The following MAD1L1 variants were observed in gnomAD, a reference collection of about 807,000 sequenced individuals.
The protein encoded by MAD1L1 is mitotic spindle assembly checkpoint protein MAD1.
A neutral mutation model predicts 96.9 loss-of-function variants in MAD1L1; 95 were observed. That is an observed-to-expected ratio of 0.98 (90% CI 0.83 to 1.16). The LOEUF (loss-of-function observed/expected upper bound fraction) is 1.16, where lower values mean the gene tolerates loss of function less well. MAD1L1 is among the 50% of genes most tolerant of loss of function. The pLI, the probability that MAD1L1 is intolerant of heterozygous loss-of-function variation, is 0.00. For synonymous variants in MAD1L1, 473 were observed against 396.6 expected (o/e 1.19, Z -2.29); for missense variants, 1,007 against 954.4 (o/e 1.06, Z -0.73).
At chr7:1,975,127 G>C (rs1780576152) in intron 15 of MAD1L1, among the ~76,000 whole-genome samples, 1 of 152,244 alleles carries the variant, frequency 6.6e-6, no homozygotes, top group Admixed American at 6.5e-5. Context: ...CAGCTCACCA[G>C]CCTTCACCCT....
chr7:2,001,216 C>T (rs915137197), intron 14 of MAD1L1, among the ~76,000 whole-genome samples: 1 of 152,248 alleles, frequency 6.6e-6, no homozygotes, highest in Non-Finnish European at 1.5e-5. Flanking sequence ...GTCCGTACAA[C>T]GCCGACAGCA....
chr7:2,047,380 G>C (rs1348578226), intron 12 of MAD1L1, among the ~76,000 whole-genome samples: 1 of 152,122 alleles, frequency 6.6e-6, no homozygotes, highest in Non-Finnish European at 1.5e-5. Flanking sequence ...GTTTTATTGG[G>C]GGCAGTTTAG....
chr7:2,078,476 G>C (rs143866660), intron 11 of MAD1L1, among the ~76,000 whole-genome samples: 2 of 152,350 alleles, frequency 1.3e-5, no homozygotes, highest in East Asian at 3.9e-4. Flanking sequence ...CTCCGCGGCT[G>C]AGCCAGGAGA....
At chr7:2,079,132 T>C (rs924564013) in intron 11 of MAD1L1, among the ~76,000 whole-genome samples, 5 of 152,314 alleles carry the variant, frequency 3.3e-5, no homozygotes, top group Admixed American at 2.0e-4. Flanking sequence ...CACACCGTCA[T>C]GAGGTTGGGG....
At chr7:1,833,269 T>C (rs1387852367) in intron 18 of MAD1L1, among the ~76,000 whole-genome samples, 1 of 152,248 alleles carries the variant, frequency 6.6e-6, no homozygotes, top group African/African-American at 2.4e-5. Flanking sequence ...ATGCGTGATA[T>C]ACCCAAGGTT....
At chr7:2,073,418 C>T (rs552347895) in intron 11 of MAD1L1, among the ~76,000 whole-genome samples, 4 of 152,342 alleles carry the variant, frequency 2.6e-5, no homozygotes, top group South Asian at 4.1e-4. Flanking sequence ...CAGATCTCTA[C>T]GATCGTCAGT....
At chr7:2,184,876 C>T (rs1216351505) in intron 10 of MAD1L1, among the ~76,000 whole-genome samples, 4 of 152,148 alleles carry the variant, frequency 2.6e-5, no homozygotes, top group Non-Finnish European at 5.9e-5. Flanking sequence ...ATAGCGCACG[C>T]CTGTAATCCC....
At chr7:2,163,214 CCA>C (rs953099344) in intron 10 of MAD1L1, among the ~76,000 whole-genome samples, 2 of 152,178 alleles carry the variant, frequency 1.3e-5, no homozygotes, top group African/African-American at 4.8e-5. Flanking sequence ...TGAGTGAGCA[CCA>C]CAGTGTTTAC....
intron 3 of MAD1L1, among the ~76,000 whole-genome samples, chr7:2,226,951 C>G (rs924005402): frequency 6.6e-6 from 1 of 151,120 alleles, no homozygotes; most frequent in African/African-American, 2.4e-5. Flanking sequence ...CACACCACTG[C>G]ATTCCAGCCT....
chr7:1,878,743 C>A (rs965906760), intron 18 of MAD1L1, among the ~76,000 whole-genome samples: 34 of 138,550 alleles, frequency 2.5e-4, no homozygotes, highest in African/African-American at 6.8e-4. Flanking sequence ...CCCCCCCCCC[C>A]ATTCTTATTC....
chr7:1,964,186 C>T (rs887431759), intron 15 of MAD1L1, among the ~76,000 whole-genome samples: 10 of 152,136 alleles, frequency 6.6e-5, no homozygotes, highest in African/African-American at 9.7e-5. Flanking sequence ...TGATGAGTGA[C>T]GACATGGTGG....
At chr7:2,151,026 C>T (rs910563014) in intron 10 of MAD1L1, among the ~76,000 whole-genome samples, 29 of 152,226 alleles carry the variant, frequency 1.9e-4, no homozygotes, top group Non-Finnish European at 2.2e-4. Flanking sequence ...AACTCTAGGA[C>T]AGAGATGAAA....
chr7:1,953,357 T>C (rs1113736), intron 16 of MAD1L1, among the ~76,000 whole-genome samples: 48,775 of 152,124 alleles, frequency 0.32, 9,388 homozygotes, highest in East Asian at 0.48. Context: ...ACTTGGGACA[T>C]TGAGGTTGGC....
chr7:2,074,902 C>A (rs916626219), intron 11 of MAD1L1, among the ~76,000 whole-genome samples: 1 of 152,130 alleles, frequency 6.6e-6, no homozygotes, highest in Non-Finnish European at 1.5e-5. Flanking sequence ...GTGTCAGAGC[C>A]GGGGACGCTT....
chr7:1,869,147 C>A (rs1396598359), intron 18 of MAD1L1, among the ~76,000 whole-genome samples: 3 of 152,148 alleles, frequency 2.0e-5, no homozygotes. Flanking sequence ...CGCCCGCCCC[C>A]ATGGCTGCCG....
chr7:2,132,185 T>C (rs1218342751), intron 11 of MAD1L1, among the ~76,000 whole-genome samples: 2 of 152,118 alleles, frequency 1.3e-5, no homozygotes, highest in Non-Finnish European at 2.9e-5. Flanking sequence ...CAATTATAGG[T>C]TTACAGGAAA....
At position 1,940,988 on chromosome 7, in the gene MAD1L1, T is replaced by TCCCAGGCCTCAGCCTCCTCTTCCTC. The variant is rs1239161024; in HGVS notation, c.1597-4116_1597-4092dup. Reference sequence around the variant, plus strand: ...CGCAGGCCTCACCCTCCTCTTCCTCTCCCAGGCCTCAGCCTCCTCTTCCTC... The same window carrying TCCCAGGCCTCAGCCTCCTCTTCCTC: ...CGCAGGCCTCACCCTCCTCTTCCTCTCCCAGGCCTCAGCCTCCTCTTCCTCCCCAGGCCTCAGCCTCCTCTTCCTC... On this transcript the variant is annotated intron_variant, in intron 16 of 18. Transcript: ENST00000265854. Among the ~76,000 whole-genome samples the TCCCAGGCCTCAGCCTCCTCTTCCTC allele has an allele frequency of 1.5e-3, 182 of 124,506 alleles. 1 individual carries two copies. Among genetic ancestry groups the TCCCAGGCCTCAGCCTCCTCTTCCTC allele is most frequent in the South Asian group, 4.3e-3 (18 of 4,228 alleles). The allele number at this position is 124,506 out of a possible 152,430, so 81.7% of individuals were successfully genotyped here.
intron 18 of MAD1L1, among the ~76,000 whole-genome samples, chr7:1,855,541 G>A (rs1269669576): frequency 6.6e-6 from 1 of 151,264 alleles, no homozygotes; most frequent in East Asian, 1.9e-4. Context: ...AACACGGCCC[G>A]GGCCCAGCCC....
chr7:1,962,519 C>T (rs1222507167), intron 15 of MAD1L1, among the ~76,000 whole-genome samples: 1 of 152,128 alleles, frequency 6.6e-6, no homozygotes, highest in Non-Finnish European at 1.5e-5. Context: ...AAAGACAAGA[C>T]ACAGACTGGG....
Sources: gnomAD v4.1 joint callset for allele counts (sites outside exome capture counted in the v4.1 genomes callset) on GRCh38, gnomAD v4.1.1 for gene constraint, MANE v1.5 for transcripts, NCBI Gene and HGNC (gene_info 2026-07-23, HGNC 2026-07-21) for gene names.